Variants in NKAIN2 observed in about 807,000 individuals in gnomAD.
NKAIN2 encodes the protein sodium/potassium transporting ATPase interacting 2.
A neutral mutation model predicts 32.6 loss-of-function variants in NKAIN2; 14 were observed. That is an observed-to-expected ratio of 0.43 (90% CI 0.28 to 0.67). The LOEUF (loss-of-function observed/expected upper bound fraction) is 0.67. Ranked by LOEUF, NKAIN2 falls within the 30% of genes least tolerant of loss-of-function variation. The probability of loss-of-function intolerance (pLI) is 0.17; values close to 1 mark genes in which losing one functional copy is unlikely to be tolerated. For synonymous variants in NKAIN2, 80 were observed against 87.2 expected, an observed-to-expected ratio of 0.92 and a Z score of 0.46; for missense variants, 198 against 258.3, an observed-to-expected ratio of 0.77 and a Z score of 1.60.
chr6:124,479,443 T>G (rs1271036869), intron 3 of NKAIN2, among the ~76,000 whole-genome samples: 1 of 152,158 alleles, frequency 6.6e-6, no homozygotes, highest in East Asian at 1.9e-4. Context: ...CCAAACAATC[T>G]CTGGATGGAA....
At position 123,833,690 on chromosome 6, in the gene NKAIN2, C is replaced by CGTGT. The variant is rs1774480734; in HGVS notation, c.54+29436_54+29437insGTGT. On this transcript the variant is annotated intron_variant, in intron 1 of 6. Transcript: ENST00000368417. ...TCTTAAGCAAAAGGTAATTTTTTTT[C>CGTGT]CTGTGTGTGTGTGTGTGTGTGTGTG... Among the ~76,000 whole-genome samples the CGTGT allele has an allele frequency of 3.9e-5, 3 of 76,124 alleles. No individual in the cohort carries two copies. In the South Asian group the frequency reaches 1.4e-3, roughly 35 times the overall value. The allele number at this position is 76,124 out of a possible 152,430, so 49.9% of individuals were successfully genotyped here. A position where few individuals can be genotyped will look rare whatever the true frequency, so the allele number is the denominator to read the frequency against.
At chr6:124,027,512 A>G (rs1018432689) in intron 1 of NKAIN2, among the ~76,000 whole-genome samples, 6 of 152,072 alleles carry the variant, frequency 3.9e-5, no homozygotes, top group African/African-American at 1.4e-4. Context: ...TCTGATGTTT[A>G]TTTAGTCTTG....
chr6:124,212,458 G>A (rs1582856981), intron 1 of NKAIN2, among the ~76,000 whole-genome samples: 1 of 152,140 alleles, frequency 6.6e-6, no homozygotes, highest in East Asian at 1.9e-4. Flanking sequence ...GTGTTAGAGA[G>A]TTTACAGTAT....
intron 4 of NKAIN2, among the ~76,000 whole-genome samples, chr6:124,741,057 T>C (rs1777183079): frequency 6.6e-6 from 1 of 151,582 alleles, no homozygotes; most frequent in Admixed American, 6.6e-5. Context: ...AAGAAGTGTA[T>C]GAGAAAGACA....
intron 1 of NKAIN2, among the ~76,000 whole-genome samples, chr6:124,098,710 A>G (rs1044707831): frequency 2.6e-5 from 4 of 151,950 alleles, no homozygotes; most frequent in African/African-American, 7.3e-5. Context: ...CTCTACTAAA[A>G]TATACAAAAA....
intron 4 of NKAIN2, among the ~76,000 whole-genome samples, chr6:124,673,636 T>G (rs1163328406): frequency 6.6e-6 from 1 of 152,070 alleles, no homozygotes; most frequent in Non-Finnish European, 1.5e-5. Flanking sequence ...CCCGGATGAT[T>G]AGTGATGTTG....
At chr6:124,701,153 G>GCGCA (rs1554253913) in intron 4 of NKAIN2, among the ~76,000 whole-genome samples, 5 of 132,030 alleles carry the variant, frequency 3.8e-5, no homozygotes, top group South Asian at 2.5e-4. Flanking sequence ...ACACACACAC[G>GCGCA]CACACACACA....
intron 4 of NKAIN2, among the ~76,000 whole-genome samples, chr6:124,675,815 T>G (rs373318714): frequency 6.6e-6 from 1 of 152,020 alleles, no homozygotes; most frequent in African/African-American, 2.4e-5. Flanking sequence ...TTTAATATTT[T>G]TTTCCATTCT....
At chr6:124,675,121 G>A (rs532206775) in intron 4 of NKAIN2, among the ~76,000 whole-genome samples, 10 of 151,904 alleles carry the variant, frequency 6.6e-5, no homozygotes, top group Non-Finnish European at 1.3e-4. Flanking sequence ...ATCTGATCTT[G>A]AGATTTTTAA....
chr6:123,830,689 A>C (rs368824776), intron 1 of NKAIN2, among the ~76,000 whole-genome samples: 19 of 152,328 alleles, frequency 1.2e-4, no homozygotes, highest in African/African-American at 4.6e-4. Flanking sequence ...ATGATAAATA[A>C]ATTCTCACAT....
chr6:123,877,324 A>G (rs1024436028), intron 1 of NKAIN2, among the ~76,000 whole-genome samples: 1 of 152,158 alleles, frequency 6.6e-6, no homozygotes, highest in East Asian at 1.9e-4. Context: ...TGCTACGTAG[A>G]TTTCTGAATC....
intron 3 of NKAIN2, among the ~76,000 whole-genome samples, chr6:124,644,229 ATAAAT>A (rs1394436747): frequency 1.3e-5 from 2 of 152,152 alleles, no homozygotes; most frequent in South Asian, 2.1e-4. Context: ...AGATGAATAA[ATAAAT>A]TAACACCAAG....
chr6:124,345,511 A>C (rs1381118560), intron 2 of NKAIN2, among the ~76,000 whole-genome samples: 1 of 151,762 alleles, frequency 6.6e-6, no homozygotes, highest in Admixed American at 6.6e-5. Context: ...ACAATTTCAG[A>C]TCCTGTTATT....
At chr6:124,301,442 G>A (rs1276818035) in intron 2 of NKAIN2, among the ~76,000 whole-genome samples, 1 of 152,178 alleles carries the variant, frequency 6.6e-6, no homozygotes, top group Non-Finnish European at 1.5e-5. Flanking sequence ...TCCCCACTGG[G>A]GCACTGCCTA....
intron 1 of NKAIN2, among the ~76,000 whole-genome samples, chr6:123,848,989 T>G (rs1432368610): frequency 6.6e-6 from 1 of 152,204 alleles, no homozygotes; most frequent in Non-Finnish European, 1.5e-5. Flanking sequence ...CCTCCCTACT[T>G]AAAACATTTC....
intron 3 of NKAIN2, among the ~76,000 whole-genome samples, chr6:124,498,902 T>C (rs1046232163): frequency 2.6e-5 from 4 of 152,072 alleles, no homozygotes; most frequent in African/African-American, 4.8e-5. Flanking sequence ...TAAAACAATA[T>C]TTATATCTCT....
At chr6:124,688,822 C>T (rs2114531496) in intron 4 of NKAIN2, among the ~76,000 whole-genome samples, 1 of 152,130 alleles carries the variant, frequency 6.6e-6, no homozygotes, top group African/African-American at 2.4e-5. Flanking sequence ...TTCTTTGTAT[C>T]ACTGAACAAT....
chr6:124,615,376 T>C (rs777326224), intron 3 of NKAIN2, among the ~76,000 whole-genome samples: 14 of 152,182 alleles, frequency 9.2e-5, no homozygotes, highest in Non-Finnish European at 1.6e-4. Flanking sequence ...GTACTAAAAC[T>C]AACAAGCAAA....
chr6:124,105,316 C>T (rs1295632933), intron 1 of NKAIN2, among the ~76,000 whole-genome samples: 3 of 152,134 alleles, frequency 2.0e-5, no homozygotes, highest in Non-Finnish European at 4.4e-5. Context: ...ATCTGCACGT[C>T]AGTGGGTTCA....
Sources: gnomAD v4.1 joint callset for allele counts (sites outside exome capture counted in the v4.1 genomes callset) on GRCh38, gnomAD v4.1.1 for gene constraint, MANE v1.5 for transcripts, NCBI Gene and HGNC (gene_info 2026-07-23, HGNC 2026-07-21) for gene names.